PPP1CB: variants seen among roughly 807,000 people sequenced by gnomAD.
The protein encoded by PPP1CB is protein phosphatase 1 catalytic subunit beta.
In PPP1CB, 2 loss-of-function variants were observed where a neutral mutation model predicts 43.7. The ratio of observed to expected loss-of-function variants is 0.05; its 90% CI spans 0.02 to 0.14. The LOEUF is 0.14. Ranked by LOEUF, PPP1CB falls within the 10% of genes least tolerant of loss-of-function variation. The pLI, the probability that PPP1CB is intolerant of heterozygous loss-of-function variation, is 1.00. For missense variants in PPP1CB, 84 were observed against 398.0 expected, an observed-to-expected ratio of 0.21 and a Z score of 6.71; for synonymous variants, 136 against 135.6, an observed-to-expected ratio of 1.00 and a Z score of -0.02.
chr2:28,770,410 C>T (rs905477074), intron 1 of PPP1CB, among the ~76,000 whole-genome samples: 8 of 146,734 alleles, frequency 5.5e-5, no homozygotes, highest in East Asian at 2.0e-4. Context: ...GTGGGGGAGA[C>T]GATATCATGC....
chr2:28,771,757 A>G (rs1053096879), intron 1 of PPP1CB, among the ~76,000 whole-genome samples: 1 of 152,214 alleles, frequency 6.6e-6, no homozygotes, highest in Non-Finnish European at 1.5e-5. Context: ...GAAGTGGGCT[A>G]AAACAATAAA....
chr2:28,775,910 T>G (rs373873629), intron 1 of PPP1CB, among the ~76,000 whole-genome samples: 4 of 152,180 alleles, frequency 2.6e-5, no homozygotes, highest in East Asian at 1.9e-4. Context: ...GATGCCTCAC[T>G]CCATCTAAAT....
chr2:28,776,008 C>G (rs1460583875), intron 1 of PPP1CB, among the ~76,000 whole-genome samples: 1 of 151,482 alleles, frequency 6.6e-6, no homozygotes, highest in Admixed American at 6.6e-5. Flanking sequence ...TTTTGTATTT[C>G]TTTTGATCAG....
At position 28,800,482 on chromosome 2, in the gene PPP1CB, T is replaced by A. The variant is rs1439499736; in HGVS notation, c.*1179T>A. The A allele has an allele frequency of 6.6e-6, 1 of 152,464 alleles. No individual in the cohort carries two copies. The highest frequency in any genetic ancestry group is 1.5e-5 in the Non-Finnish European group (1 of 67,932). The allele number at this position is 152,464 out of a possible 1,614,324, so 9.4% of individuals were successfully genotyped here. A position where few individuals can be genotyped will look rare whatever the true frequency, so the allele number is the denominator to read the frequency against. ...TGTCACTAAAGATTTTTATTCTGAT[T>A]TTTTCATAATCAAAGGTCATATGAT... On this transcript the variant is annotated 3_prime_UTR_variant, in exon 8 of 8. Coordinates refer to ENST00000395366, the MANE Select transcript of PPP1CB (RefSeq NM_002709.3).
At position 28,778,852 on chromosome 2, in the gene PPP1CB, A is replaced by G. The variant is rs1667091563; in HGVS notation, c.228A>G (p.Glu76=). The change falls in exon 3 of 8, where the codon GAA becomes GAG. Residue 76 remains glutamate (E), a synonymous_variant. Transcript: ENST00000395366. ...GQYTDLLRLF[E]YGGFPPEANY... is the part of the protein sequence containing the mutation. ...ATACAGATTTACTGAGATTATTTGA[A>G]TATGGAGGTTTCCCACCAGAAGCCA... The G allele has an allele frequency of 6.2e-7, 1 of 1,602,748 alleles. No individual in the cohort carries two copies. The highest frequency in any genetic ancestry group is 8.5e-7 in the Non-Finnish European group (1 of 1,169,808).
At chr2:28,790,328 A>T (rs1306780031) in intron 6 of PPP1CB, among the ~76,000 whole-genome samples, 2 of 151,982 alleles carry the variant, frequency 1.3e-5, no homozygotes, top group Non-Finnish European at 2.9e-5. Flanking sequence ...GGTATGAATT[A>T]TTTAATCTTT....
At chr2:28,784,381 C>G (rs2148053597) in intron 5 of PPP1CB, among the ~76,000 whole-genome samples, 1 of 152,066 alleles carries the variant, frequency 6.6e-6, no homozygotes, top group African/African-American at 2.4e-5. Context: ...TTTCAAATGT[C>G]TAGTAGTTTT....
rs531290688 is a variant in PPP1CB at position 28,793,237 on chromosome 2, C to A, written c.745-626C>A. 3.0e-3 allele frequency among the ~76,000 whole-genome samples: 453 copies of A among 152,158 alleles called. 3 individuals are homozygous for A. The highest frequency in any genetic ancestry group is 0.01 in the African/African-American group (427 of 41,524). ...TAAAAAATAAAAATAAAAATACAGT[C>A]TGTTGGCAGTTAATTTAAGGAGCAT... is the stretch of plus-strand genomic sequence containing the variant. On this transcript the variant is annotated intron_variant, in intron 6 of 7. Coordinates refer to ENST00000395366, the MANE Select transcript of PPP1CB (RefSeq NM_002709.3).
intron 1 of PPP1CB, 30 bp downstream of exon 1, chr2:28,752,206 G>T (rs1190459057): frequency 3.9e-6 from 6 of 1,521,838 alleles, no homozygotes; most frequent in Admixed American, 2.0e-5. Context: ...CGGGACAGAG[G>T]GAGGTCGGGC....
In PPP1CB at chr2:28,802,166, A is replaced by G. The variant is rs1667632893; in HGVS notation, c.*2863A>G. On this transcript the variant is annotated 3_prime_UTR_variant, in exon 8 of 8. Coordinates refer to ENST00000395366, the MANE Select transcript of PPP1CB (RefSeq NM_002709.3). ...GGCTTTTCAAAAAAATTTTTATTCA[A>G]GGCAAAGCAAGGAACATCTTGAGAT... is the stretch of plus-strand genomic sequence containing the variant. The G allele has an allele frequency of 1.3e-5, 2 of 152,222 alleles. No homozygotes were observed. Among genetic ancestry groups the G allele is most frequent in the African/African-American group, 2.4e-5 (1 of 41,446 alleles). 9.4% of individuals were successfully genotyped at this position (152,222 alleles called of 1,614,324 possible).
chr2:28,752,660 C>T (rs938313312), intron 1 of PPP1CB, among the ~76,000 whole-genome samples: 1 of 152,218 alleles, frequency 6.6e-6, no homozygotes, highest in Non-Finnish European at 1.5e-5. Flanking sequence ...ATATATAAAC[C>T]TGTCCTTAAC....
chr2:28,752,201 C>T, intron 1 of PPP1CB, 25 bp downstream of exon 1: 1 of 1,529,274 alleles, frequency 6.5e-7, no homozygotes. Context: ...GGCCGCGGGA[C>T]AGAGGGAGGT....
chr2:28,771,645 TTA>T (rs1227912995), intron 1 of PPP1CB, among the ~76,000 whole-genome samples: 1 of 152,204 alleles, frequency 6.6e-6, no homozygotes, highest in African/African-American at 2.4e-5. Flanking sequence ...AGGATGATCT[TTA>T]TGATAAATGG....
intron 4 of PPP1CB, 36 bp from the exon 5 acceptor site, chr2:28,783,871 A>G (rs1220583204): frequency 3.5e-6 from 5 of 1,414,678 alleles, no homozygotes; most frequent in Non-Finnish European, 5.0e-6. Flanking sequence ...TAAAATTTTT[A>G]GCTGTTAGTA....
chr2:28,788,341 A>G (rs1192094104), intron 5 of PPP1CB, among the ~76,000 whole-genome samples: 1 of 152,236 alleles, frequency 6.6e-6, no homozygotes, highest in Non-Finnish European at 1.5e-5. Context: ...TTGGTTATTC[A>G]TATGGAGAAA....
At chr2:28,798,455 T>G (rs769365306) in intron 7 of PPP1CB, among the ~76,000 whole-genome samples, 126 of 152,122 alleles carry the variant, frequency 8.3e-4, no homozygotes, top group Non-Finnish European at 1.5e-3. Flanking sequence ...GTCCATCAGC[T>G]ACTGAATAGA....
intron 6 of PPP1CB, among the ~76,000 whole-genome samples, chr2:28,790,051 C>T (rs943775280): frequency 6.6e-6 from 1 of 152,108 alleles, no homozygotes; most frequent in Non-Finnish European, 1.5e-5. Flanking sequence ...GAGGCTGAGG[C>T]AGGCAGATCC....
chr2:28,783,780 G>A, intron 4 of PPP1CB, 127 bp from the exon 5 acceptor site: 2 of 633,912 alleles, frequency 3.2e-6, no homozygotes, highest in Non-Finnish European at 5.3e-6. Flanking sequence ...GACGTTAAAA[G>A]GAACACTTTT....
intron 4 of PPP1CB, among the ~76,000 whole-genome samples, chr2:28,783,201 G>A (rs1288262559): frequency 6.6e-6 from 1 of 152,196 alleles, no homozygotes; most frequent in Non-Finnish European, 1.5e-5. Flanking sequence ...AGGGAACCAA[G>A]TGAGGCACTT....
Sources: gnomAD v4.1 joint callset for allele counts (sites outside exome capture counted in the v4.1 genomes callset) on GRCh38, gnomAD v4.1.1 for gene constraint, MANE v1.5 for transcripts, NCBI Gene and HGNC (gene_info 2026-07-23, HGNC 2026-07-21) for gene names.